Variants in ZNF839 observed in about 807,000 individuals in gnomAD.
The protein encoded by ZNF839 is renal carcinoma antigen NY-REN-50.
ZNF839 carries 38 observed loss-of-function variants against 56.4 expected under a neutral mutation model. That is an observed-to-expected ratio of 0.67 (90% CI 0.52 to 0.88). ZNF839 has a LOEUF of 0.88. ZNF839 is among the 40% of genes least tolerant of loss of function. ZNF839 has a pLI of 0.00. For missense variants in ZNF839, 1,091 were observed against 1,177.6 expected (o/e 0.93, Z 1.08); for synonymous variants, 486 against 493.5 (o/e 0.98, Z 0.20).
chr14:102,339,405 T>C (rs1886234844), intron 7 of ZNF839, among the ~76,000 whole-genome samples, 182 bp downstream of exon 7: 2 of 152,182 alleles, frequency 1.3e-5, no homozygotes, highest in Non-Finnish European at 2.9e-5. Flanking sequence ...ATTCATTCCC[T>C]GCGAGTCTTG....
Position 102,326,757 on chromosome 14 carries a change from G to T in ZNF839, c.1061G>T (p.Ser354Ile). 6.2e-7 allele frequency: 1 copy of T among 1,613,148 alleles called. No individual in the cohort carries two copies. The highest frequency in any genetic ancestry group is 1.1e-5 in the South Asian group (1 of 90,936). The change falls in exon 2 of 8, where the codon AGC becomes ATC. Residue 354 changes from serine (S) to isoleucine (I), a missense_variant. This residue lies in a region of ZNF839 where 614 missense variants were observed against 629.2 expected (regional missense o/e 0.98). Coordinates refer to ENST00000442396, the MANE Select transcript of ZNF839 (RefSeq NM_018335.6). This position sits in a 1 kb window ranked among gnomAD's most constrained non-coding sequence, Gnocchi z 4.3. Reference protein sequence around the residue: ...EMVLSEKASGSTLRGCTEERT... With the variant: ...EMVLSEKASGITLRGCTEERT... ...GTGCTGTCTGAGAAAGCCAGTGGAA[G>T]CACCCTCCGGGGGTGCACGGAGGAA... is the stretch of plus-strand genomic sequence containing the variant.
At chr14:102,329,573 C>T (rs1046068593) in intron 2 of ZNF839, among the ~76,000 whole-genome samples, 7 of 151,464 alleles carry the variant, frequency 4.6e-5, no homozygotes, top group East Asian at 3.9e-4. Flanking sequence ...TTAGTAGAGA[C>T]GGGGTTTCGC....
intron 3 of ZNF839, among the ~76,000 whole-genome samples, chr14:102,334,032 A>G (rs1018232521): frequency 1.3e-5 from 2 of 152,056 alleles, no homozygotes; most frequent in Non-Finnish European, 2.9e-5. Context: ...TCCTGACTGT[A>G]CTGTGGGGGT....
At chr14:102,325,031 G>T in intron 1 of ZNF839, among the ~76,000 whole-genome samples, 1 of 152,090 alleles carries the variant, frequency 6.6e-6, no homozygotes, top group East Asian at 1.9e-4. Context: ...CAACTTAGTG[G>T]ATTATGACTA....
chr14:102,324,551 A>G (rs1211743277), intron 1 of ZNF839, among the ~76,000 whole-genome samples: 1 of 152,156 alleles, frequency 6.6e-6, no homozygotes, highest in Non-Finnish European at 1.5e-5. Flanking sequence ...TTAAAAAAAA[A>G]TTAGCTGGTC....
At chr14:102,337,819 G>A (rs932328232) in intron 5 of ZNF839, 1 of 152,268 alleles carries the variant, frequency 6.6e-6, no homozygotes, top group Admixed American at 6.5e-5. Context: ...CATGCTCTGT[G>A]GGGTTCTCTT....
At chr14:102,320,275 C>T (rs1029280022) in intron 1 of ZNF839, among the ~76,000 whole-genome samples, 1 of 152,248 alleles carries the variant, frequency 6.6e-6, no homozygotes, top group Non-Finnish European at 1.5e-5. Context: ...ACGCTGGGCC[C>T]TGTGCCTGGA....
chr14:102,336,748 T>C, intron 5 of ZNF839: 2 of 339,006 alleles, frequency 5.9e-6, no homozygotes, highest in South Asian at 4.7e-5. Flanking sequence ...TTTTTTTTTG[T>C]TTTGAAACAG....
intron 4 of ZNF839, chr14:102,335,061 AGTT>A (rs2073955299): frequency 6.5e-6 from 1 of 153,866 alleles, no homozygotes; most frequent in Non-Finnish European, 1.4e-5. Context: ...CCCAGCTCAT[AGTT>A]GTTTTGGAAA....
chr14:102,325,862 A>G (rs1393997392), intron 1 of ZNF839, 123 bp from the exon 2 acceptor site: 14 of 1,164,076 alleles, frequency 1.2e-5, no homozygotes, highest in Non-Finnish European at 1.7e-5. Context: ...CATTACATCA[A>G]CTTTTATATG....
At position 102,326,514 on chromosome 14, in the gene ZNF839, C is replaced by T. The variant is rs199677123; in HGVS notation, c.818C>T (p.Ala273Val). 555 of 1,613,984 alleles carry T rather than the reference C, an allele frequency of 3.4e-4. No homozygotes were observed. Among genetic ancestry groups the T allele is most frequent in the Admixed American group, 7.8e-4 (47 of 60,022 alleles). Residue 273 changes from alanine to valine, a missense_variant, in exon 2 of 8, where the codon GCG becomes GTG. Ala to Val is a moderately conservative substitution (Grantham distance 64, BLOSUM62 0). Coordinates refer to ENST00000442396, the MANE Select transcript of ZNF839 (RefSeq NM_018335.6). The surrounding 1 kb of genome is among the most constrained non-coding windows in gnomAD (Gnocchi z 4.3). Reference sequence around the variant, plus strand: ...AAGTTCATAAAAACAGAGGATCTGGCGGATGGTCATCTGTCAGATTCTGAT... The same window carrying T: ...AAGTTCATAAAAACAGAGGATCTGGTGGATGGTCATCTGTCAGATTCTGAT... ...DYKFIKTEDL[A>V]DGHLSDSDDY...
intron 1 of ZNF839, among the ~76,000 whole-genome samples, chr14:102,322,769 T>C (rs1165314659): frequency 6.6e-6 from 1 of 152,188 alleles, no homozygotes; most frequent in Admixed American, 6.5e-5. Flanking sequence ...CCCGCTATGT[T>C]ACCCAGGCTG....
In ZNF839 at chr14:102,341,398, A is replaced by G. The variant is rs369990834; in HGVS notation, c.2003A>G (p.Asn668Ser). The change falls in exon 8 of 8, where the codon AAT (asparagine) becomes AGT (serine). Residue 668 changes from asparagine to serine, a missense_variant. Physicochemically the swap from Asn to Ser is conservative, Grantham distance 46. Transcript: ENST00000442396. ...CATACAACGACGGTTTCTGGTGGCA[A>G]TGGGAGCGTGTTCCAGGCGGGCCCG... Reference protein sequence around the residue: ...ESHTTTVSGGNGSVFQAGPQL... With the variant: ...ESHTTTVSGGSGSVFQAGPQL... 1.2e-5 allele frequency: 19 copies of G among 1,567,350 alleles called. No individual in the cohort carries two copies. Among genetic ancestry groups the G allele is most frequent in the Non-Finnish European group, 1.6e-5 (18 of 1,157,274 alleles).
At chr14:102,336,796 C>G in intron 5 of ZNF839, 2 of 283,962 alleles carry the variant, frequency 7.0e-6, no homozygotes, top group Non-Finnish European at 1.4e-5. Context: ...TGCAGTGGCA[C>G]AATCACAGCT....
At chr14:102,334,903 C>T (rs1048802610) in intron 4 of ZNF839, 8 of 174,944 alleles carry the variant, frequency 4.6e-5, no homozygotes, top group African/African-American at 1.2e-4. Context: ...CCATCATACC[C>T]GGCTAATTTT....
Position 102,319,792 on chromosome 14 carries a change from GGGCGGCAGCGAGGATGGCGGCGGC to G in ZNF839, c.34_57del (p.Ser12_Gly19del). On this transcript the variant is annotated inframe_deletion, in exon 1 of 8. Coordinates refer to ENST00000442396, the MANE Select transcript of ZNF839 (RefSeq NM_018335.6). This position sits in a 1 kb window ranked among gnomAD's most constrained non-coding sequence, Gnocchi z 4.5. ...TGGCGGATGCGGAGCCGGAGGCTGG[GGGCGGCAGCGAGGATGGCGGCGGC>G]GGCGGCGGCCCGGCTCCTCCGGGCC... The G allele has an allele frequency of 3.2e-6, 4 of 1,232,608 alleles. No homozygotes were observed. The highest frequency in any genetic ancestry group is 4.0e-6 in the Non-Finnish European group (4 of 988,466). The allele number at this position is 1,232,608 out of a possible 1,614,324, so 76.4% of individuals were successfully genotyped here. A position where few individuals can be genotyped will look rare whatever the true frequency, so the allele number is the denominator to read the frequency against.
intron 1 of ZNF839, among the ~76,000 whole-genome samples, chr14:102,323,915 G>T (rs1366904827): frequency 2.6e-5 from 4 of 152,176 alleles, no homozygotes; most frequent in African/African-American, 9.7e-5. Context: ...TAAAATTCAC[G>T]AAGCAAAATG....
chr14:102,328,589 G>A (rs146797561), intron 2 of ZNF839, among the ~76,000 whole-genome samples: 152 of 151,388 alleles, frequency 1.0e-3, no homozygotes, highest in South Asian at 4.4e-3. Flanking sequence ...CGAGCTTCAC[G>A]TTGGGCTAAG....
chr14:102,342,173 C>T lies in ZNF839; in HGVS notation c.2778C>T (p.Ala926=). ...TDAEGRACGW[A]R ...CAGAGGGGCGTGCCTGCGGATGGGC[C>T]CGCTAGAAGGAGTTCCTCTAGAAGC... is the stretch of plus-strand genomic sequence containing the variant. Residue 926 remains alanine, a synonymous_variant, in exon 8 of 8, where the codon GCC becomes GCT. Transcript: ENST00000442396. 1 of 1,604,394 alleles carries T rather than the reference C, an allele frequency of 6.2e-7. No homozygotes were observed. The highest frequency in any genetic ancestry group is 8.5e-7 in the Non-Finnish European group (1 of 1,173,658).
Sources: allele counts gnomAD v4.1 joint callset (sites outside exome capture counted in the v4.1 genomes callset), GRCh38; gene constraint gnomAD v4.1.1; regional missense constraint gnomAD v4.1.1; non-coding constraint Gnocchi (gnomAD v3.1); transcripts MANE v1.5; gene names NCBI Gene and HGNC (gene_info 2026-07-23, HGNC 2026-07-21).